The following BAZ2B variants were observed in gnomAD, a reference collection of about 807,000 sequenced individuals.
BAZ2B encodes bromodomain adjacent to zinc finger domain protein 2B.
A neutral mutation model predicts 246.0 loss-of-function variants in BAZ2B; 91 were observed. The observed-to-expected ratio is 0.37, with a 90% CI of 0.31 to 0.44. BAZ2B has a LOEUF of 0.44. Ranked by LOEUF, BAZ2B falls within the 20% of genes least tolerant of loss-of-function variation. The pLI is 1.00. For missense variants in BAZ2B, 2,332 were observed against 2,533.7 expected, an observed-to-expected ratio of 0.92 and a Z score of 1.71; for synonymous variants, 855 against 860.0, an observed-to-expected ratio of 0.99 and a Z score of 0.10.
At chr2:159,454,559 A>G (rs1474044300) in intron 3 of BAZ2B, among the ~76,000 whole-genome samples, 1 of 152,206 alleles carries the variant, frequency 6.6e-6, no homozygotes, top group Non-Finnish European at 1.5e-5. Context: ...AACCTAAGAA[A>G]GGTACAGTAA....
Position 159,471,025 on chromosome 2 carries a change from GA to G in BAZ2B, c.145+7549del, listed in dbSNP as rs939999720. ...GATTTATGAGTACAGGAATCTGGGG[GA>G]AAAAAAAAACTTAAGAAGGAGTTGT... is the stretch of plus-strand genomic sequence containing the variant. On this transcript the variant is annotated intron_variant, in intron 3 of 36. Transcript: ENST00000392783. Among the ~76,000 whole-genome samples the G allele has an allele frequency of 2.0e-3, 296 of 146,996 alleles. 2 individuals are homozygous for G. Among genetic ancestry groups the G allele is most frequent in the African/African-American group, 6.0e-3 (241 of 40,238 alleles).
chr2:159,544,598 T>A (rs1253019016), intron 2 of BAZ2B, among the ~76,000 whole-genome samples: 1 of 152,200 alleles, frequency 6.6e-6, no homozygotes. Flanking sequence ...TATAGAGAGC[T>A]GCAAATGGAG....
chr2:159,629,894 T>C, the BAZ2B span, among the ~76,000 whole-genome samples: 2 of 152,116 alleles, frequency 1.3e-5, no homozygotes, highest in African/African-American at 4.8e-5. Flanking sequence ...CACTTTACAG[T>C]GAATTCCAGT....
intron 13 of BAZ2B, among the ~76,000 whole-genome samples, chr2:159,416,820 A>C (rs3755435): frequency 0.39 from 59,477 of 152,044 alleles, 12,403 homozygotes; most frequent in Non-Finnish European, 0.49. Flanking sequence ...TGTCTTCTGA[A>C]TCTTAGATTT....
chr2:159,506,151 C>G (rs1330088790), intron 2 of BAZ2B, among the ~76,000 whole-genome samples: 1 of 152,086 alleles, frequency 6.6e-6, no homozygotes, highest in East Asian at 1.9e-4. Context: ...AAGGTGGTAG[C>G]AGGACCTCCA....
chr2:159,453,469 T>C (rs1344912308), intron 4 of BAZ2B, 144 bp downstream of exon 4: 1 of 934,680 alleles, frequency 1.1e-6, no homozygotes, highest in Non-Finnish European at 1.5e-6. Context: ...TTGCACATGA[T>C]AAATAGGATT....
chr2:159,677,116 C>G, the BAZ2B span, among the ~76,000 whole-genome samples: 4 of 150,364 alleles, frequency 2.7e-5, no homozygotes, highest in African/African-American at 9.7e-5. Flanking sequence ...AAGATTAAAG[C>G]TTATATAGTT....
the BAZ2B span, among the ~76,000 whole-genome samples, chr2:159,663,855 CTTTTTTTTTTTTTTTTT>C: frequency 1.7e-4 from 16 of 92,496 alleles, no homozygotes; most frequent in Non-Finnish European, 2.6e-4. Context: ...AAACCATTTT[CTTTTTTTTTTTTTTTTT>C]TTTTTTTTTT....
At chr2:159,542,699 G>A (rs756429430) in intron 2 of BAZ2B, among the ~76,000 whole-genome samples, 17 of 151,968 alleles carry the variant, frequency 1.1e-4, no homozygotes, top group Non-Finnish European at 5.9e-5. Flanking sequence ...TCATCTGAAA[G>A]CATAAAGGCA....
intron 21 of BAZ2B, 127 bp downstream of exon 21, chr2:159,389,218 T>C (rs187792663): frequency 1.0e-5 from 10 of 988,388 alleles, no homozygotes; most frequent in South Asian, 2.4e-5. Flanking sequence ...TGACCTAGAG[T>C]TGGAAATTCA....
chr2:159,690,171 TG>T, the BAZ2B span: 2 of 473,840 alleles, frequency 4.2e-6, no homozygotes, highest in Non-Finnish European at 4.0e-6. Context: ...CCTTGGATCC[TG>T]GTGACTAGCG....
chr2:159,319,896 G>C lies in BAZ2B; in HGVS notation c.*369C>G, dbSNP rs2148707228. The C allele has an allele frequency of 6.4e-6, 1 of 155,498 alleles. No homozygotes were observed. Among genetic ancestry groups the C allele is most frequent in the African/African-American group, 2.4e-5 (1 of 41,660 alleles). 9.6% of individuals were successfully genotyped at this position (155,498 alleles called of 1,614,324 possible). A position where few individuals can be genotyped will look rare whatever the true frequency, so the allele number is the denominator to read the frequency against. On this transcript the variant is annotated 3_prime_UTR_variant, in exon 37 of 37. Transcript: ENST00000392783. The surrounding 1 kb of genome is among the most constrained non-coding windows in gnomAD (Gnocchi z 4.0). ...CTACAAAGTAAAAAAATGAAAAATA[G>C]ATATTTATTGAGAGGGAAAGGAGAA... is the stretch of plus-strand genomic sequence containing the variant.
intron 23 of BAZ2B, 83 bp downstream of exon 23, chr2:159,385,071 AT>A: frequency 1.4e-6 from 2 of 1,420,246 alleles, no homozygotes; most frequent in Non-Finnish European, 2.0e-6. Context: ...TAACTTTCCA[AT>A]TTTCTATAAT....
chr2:159,627,899 T>C, the BAZ2B span, among the ~76,000 whole-genome samples: 6 of 152,328 alleles, frequency 3.9e-5, no homozygotes, highest in African/African-American at 1.4e-4. Flanking sequence ...GCAGATGACA[T>C]GATTGTGTAT....
intron 2 of BAZ2B, among the ~76,000 whole-genome samples, chr2:159,491,465 A>G (rs2080449852): frequency 6.6e-6 from 1 of 151,994 alleles, no homozygotes; most frequent in African/African-American, 2.4e-5. Flanking sequence ...TCACGCCTGT[A>G]ATCCCAGCAC....
In BAZ2B at chr2:159,373,050, C is replaced by G; in HGVS notation, c.4208G>C (p.Gly1403Ala). ...ATCGGATTATGAGTTCTAACCTTCA[C>G]CACTCTCCATGCCTTCTACAAAAAT... ...GGIFVEGMES[G>A]EGLEEIAKER... The change falls in exon 27 of 37, where the codon GGT (glycine) becomes GCT (alanine). Residue 1403 changes from glycine to alanine, a missense_variant. Physicochemically the swap from Gly to Ala is moderately conservative, Grantham distance 60 (BLOSUM62 0). Around this residue, in one of 9 missense-constraint regions of BAZ2B, gnomAD observed 676 missense variants for 668.6 expected, o/e 1.01. Transcript: ENST00000392783. 3.7e-6 allele frequency: 6 copies of G among 1,613,026 alleles called. No individual in the cohort carries two copies. Among genetic ancestry groups the G allele is most frequent in the Non-Finnish European group, 3.4e-6 (4 of 1,179,624 alleles).
At position 159,453,599 on chromosome 2, in the gene BAZ2B, T is replaced by C. The variant is rs375118067; in HGVS notation, c.334+14A>G. 3.0e-5 allele frequency: 47 copies of C among 1,586,258 alleles called. No homozygotes were observed. In the Middle Eastern group the frequency reaches 6.8e-4, roughly 23 times the overall value. Reference sequence around the variant, plus strand: ...TCCTCCTTCCCTTGAACACTGTTTGTAACAGATGTTTACCTGGAAAAGATG... The same window carrying C: ...TCCTCCTTCCCTTGAACACTGTTTGCAACAGATGTTTACCTGGAAAAGATG... On this transcript the variant is annotated intron_variant, in intron 4 of 36. Transcript: ENST00000392783.
intron 7 of BAZ2B, 117 bp from the exon 8 acceptor site, chr2:159,438,812 A>C: frequency 7.6e-7 from 1 of 1,308,006 alleles, no homozygotes; most frequent in African/African-American, 1.5e-5. Flanking sequence ...CCTTATGATA[A>C]TATCTAAAAA....
chr2:159,348,575 C>T, intron 30 of BAZ2B, 103 bp downstream of exon 30: 1 of 1,327,074 alleles, frequency 7.5e-7, no homozygotes, highest in South Asian at 1.6e-5. Flanking sequence ...ATGTGGAACC[C>T]ATGAATATGA....
Sources: allele counts gnomAD v4.1 joint callset (sites outside exome capture counted in the v4.1 genomes callset), GRCh38; gene constraint gnomAD v4.1.1; regional missense constraint gnomAD v4.1.1; non-coding constraint Gnocchi (gnomAD v3.1); transcripts MANE v1.5; gene names NCBI Gene and HGNC (gene_info 2026-07-23, HGNC 2026-07-21).